Variants in GPR158 observed in about 807,000 individuals in gnomAD.
The protein encoded by GPR158 is metabotropic glycine receptor.
In GPR158, 30 loss-of-function variants were observed where a neutral mutation model predicts 78.2. That is an observed-to-expected ratio of 0.38 (90% CI 0.29 to 0.52). The LOEUF (loss-of-function observed/expected upper bound fraction) is 0.52, where lower values mean the gene tolerates loss of function less well. Ranked by LOEUF, GPR158 falls within the 20% of genes least tolerant of loss-of-function variation. The probability of loss-of-function intolerance (pLI) is 0.83; values close to 1 mark genes in which losing one functional copy is unlikely to be tolerated. For synonymous variants in GPR158, 581 were observed against 591.1 expected (o/e 0.98, Z 0.25); for missense variants, 1,463 against 1,523.5 (o/e 0.96, Z 0.66).
At chr10:25,351,943 C>T (rs1855479191) in intron 2 of GPR158, among the ~76,000 whole-genome samples, 1 of 151,860 alleles carries the variant, frequency 6.6e-6, no homozygotes, top group Non-Finnish European at 1.5e-5. Context: ...TTGTTCCCTC[C>T]TGTGTGTCCA....
intron 2 of GPR158, among the ~76,000 whole-genome samples, chr10:25,298,074 T>C (rs999790842): frequency 6.6e-6 from 1 of 152,186 alleles, no homozygotes; most frequent in Admixed American, 6.5e-5. Context: ...TTTGAAATAT[T>C]TAAACAATAA....
intron 5 of GPR158, among the ~76,000 whole-genome samples, chr10:25,481,483 A>G (rs549567485): frequency 3.9e-5 from 6 of 152,296 alleles, no homozygotes; most frequent in Admixed American, 3.9e-4. Flanking sequence ...TCTGTCAAGG[A>G]TAACTGGGAC....
chr10:25,365,235 G>C (rs7079892), intron 2 of GPR158, among the ~76,000 whole-genome samples: 100,164 of 151,318 alleles, frequency 0.66, 34,203 homozygotes, highest in Non-Finnish European at 0.75. Flanking sequence ...AATTTTCTTT[G>C]TGAGTGATAA....
intron 2 of GPR158, among the ~76,000 whole-genome samples, chr10:25,275,123 C>T (rs1481103238): frequency 2.0e-5 from 3 of 152,150 alleles, no homozygotes; most frequent in Non-Finnish European, 4.4e-5. Context: ...GGTTAAATCT[C>T]CTTAAAAAGT....
rs1837466378 is a variant in GPR158, at chr10:25,599,681, A to T, written c.*407A>T. The T allele has an allele frequency of 6.2e-6, 1 of 161,142 alleles. No homozygotes were observed. The highest frequency in any genetic ancestry group is 6.0e-5 in the Admixed American group (1 of 16,706). 10.0% of individuals were successfully genotyped at this position (161,142 alleles called of 1,614,324 possible). On this transcript the variant is annotated 3_prime_UTR_variant, in exon 11 of 11. Coordinates refer to ENST00000376351, the MANE Select transcript of GPR158 (RefSeq NM_020752.3). ...ATATAACTGAAATTCTAAGTAGCTG[A>T]CCGAGAAGAACTTACTTTACCTATT... is the stretch of plus-strand genomic sequence containing the variant.
Position 25,599,253 on chromosome 10 carries a change from C to A in GPR158, c.3627C>A (p.Ile1209=), listed in dbSNP as rs200332195. 2 of 1,611,066 alleles carry A rather than the reference C, an allele frequency of 1.2e-6. No homozygotes were observed. The highest frequency in any genetic ancestry group is 1.7e-6 in the Non-Finnish European group (2 of 1,179,060). Residue 1209 remains isoleucine (I), a synonymous_variant, in exon 11 of 11, where the codon ATC becomes ATA. Transcript: ENST00000376351. ...TAGCAGGGCCTAGGAAAGAAGAGAT[C>A]TGGGATAGTTTTAAAGTGTAGCATC... ...NKIAGPRKEE[I]WDSFKV
chr10:25,340,395 A>G (rs1855285999), intron 2 of GPR158, among the ~76,000 whole-genome samples: 1 of 152,122 alleles, frequency 6.6e-6, no homozygotes, highest in South Asian at 2.1e-4. Context: ...TACTCAGGAA[A>G]TAAATATTCC....
chr10:25,371,187 A>G (rs948221289), intron 2 of GPR158, among the ~76,000 whole-genome samples: 4 of 148,012 alleles, frequency 2.7e-5, no homozygotes, highest in Admixed American at 2.7e-4. Flanking sequence ...TAATATTGTT[A>G]TGTGTGAATT....
At chr10:25,323,996 A>G (rs935522449) in intron 2 of GPR158, among the ~76,000 whole-genome samples, 2 of 152,200 alleles carry the variant, frequency 1.3e-5, no homozygotes, top group Admixed American at 1.3e-4. Flanking sequence ...CATAGAATTG[A>G]AGAGAGTTAG....
intron 5 of GPR158, among the ~76,000 whole-genome samples, chr10:25,500,741 G>A (rs1001356309): frequency 2.6e-5 from 4 of 152,316 alleles, no homozygotes; most frequent in South Asian, 2.1e-4. Context: ...TATAGACAGC[G>A]TGAAGTAACT....
At chr10:25,378,127 A>G (rs35956593) in intron 2 of GPR158, among the ~76,000 whole-genome samples, 9,158 of 152,198 alleles carry the variant, frequency 0.06, 627 homozygotes, top group African/African-American at 0.17. Context: ...TTGATGTCCA[A>G]AATAAATGCA....
chr10:25,370,727 A>G (rs1490914578), intron 2 of GPR158, among the ~76,000 whole-genome samples: 24 of 151,158 alleles, frequency 1.6e-4, no homozygotes, highest in Admixed American at 2.6e-4. Flanking sequence ...TATCCTTGTT[A>G]ACTTTCTGTC....
intron 2 of GPR158, among the ~76,000 whole-genome samples, chr10:25,384,289 A>T (rs890934429): frequency 6.6e-6 from 1 of 152,182 alleles, no homozygotes; most frequent in African/African-American, 2.4e-5. Context: ...AAAACTAAGC[A>T]TAAGAACTCA....
Position 25,545,065 on chromosome 10 carries a change from C to T in GPR158, c.1405-5911C>T, listed in dbSNP as rs557915056. Among the ~76,000 whole-genome samples, 1,009 of 152,266 alleles carry T rather than the reference C, an allele frequency of 6.6e-3. 12 individuals are homozygous for T. The highest frequency in any genetic ancestry group is 0.023 in the African/African-American group (955 of 41,536). On this transcript the variant is annotated intron_variant, in intron 5 of 10. Coordinates refer to ENST00000376351, the MANE Select transcript of GPR158 (RefSeq NM_020752.3). ...TCCTTTTTATGGCTGCATAGTATTC[C>T]GTGGCGTATATGTGCCACATTTTCT...
chr10:25,349,363 T>G (rs1855421223), intron 2 of GPR158, among the ~76,000 whole-genome samples: 1 of 127,834 alleles, frequency 7.8e-6, no homozygotes, highest in African/African-American at 4.6e-5. Flanking sequence ...ATCCTTAACT[T>G]AAACACATTT....
intron 2 of GPR158, among the ~76,000 whole-genome samples, chr10:25,295,714 G>C (rs1588781657): frequency 1.3e-5 from 2 of 152,198 alleles, no homozygotes; most frequent in East Asian, 3.9e-4. Context: ...CGCCCGGCCT[G>C]ACTTCCCTTT....
intron 4 of GPR158, among the ~76,000 whole-genome samples, chr10:25,463,307 A>G (rs982024261): frequency 6.6e-6 from 1 of 152,214 alleles, no homozygotes; most frequent in Admixed American, 6.5e-5. Flanking sequence ...GCACTGGGAA[A>G]CCACAAAATT....
intron 5 of GPR158, among the ~76,000 whole-genome samples, chr10:25,514,599 G>C (rs745935212): frequency 2.0e-5 from 3 of 152,004 alleles, no homozygotes; most frequent in Non-Finnish European, 2.9e-5. Flanking sequence ...TTGTGTTATT[G>C]TTATATAGGC....
intron 2 of GPR158, among the ~76,000 whole-genome samples, chr10:25,227,583 A>G (rs148487404): frequency 6.6e-6 from 1 of 152,098 alleles, no homozygotes; most frequent in East Asian, 1.9e-4. Flanking sequence ...TTTTCTTCTT[A>G]TTATTATGGT....
Sources: allele counts gnomAD v4.1 joint callset (sites outside exome capture counted in the v4.1 genomes callset), GRCh38; gene constraint gnomAD v4.1.1; transcripts MANE v1.5; gene names NCBI Gene and HGNC (gene_info 2026-07-23, HGNC 2026-07-21).